Variants in RBFOX2 observed in about 807,000 individuals in gnomAD.
RBFOX2 encodes RNA binding fox-1 homolog 2, also known as RNA binding protein fox-1 homolog 2.
Under a neutral mutation model 49.1 loss-of-function variants are expected in RBFOX2, and 10 were observed. The observed-to-expected ratio is 0.20, with a 90% CI of 0.13 to 0.35. RBFOX2 has a LOEUF of 0.35. Among genes scored for constraint, RBFOX2 ranks in the 10% least tolerant of loss-of-function variants. The pLI is 1.00. For synonymous variants in RBFOX2, 183 were observed against 187.4 expected (o/e 0.98, Z 0.19); for missense variants, 323 against 486.9 (o/e 0.66, Z 3.17).
intron 1 of RBFOX2, among the ~76,000 whole-genome samples, chr22:35,921,044 G>C (rs1403660643): frequency 6.6e-6 from 1 of 152,110 alleles, no homozygotes; most frequent in Non-Finnish European, 1.5e-5. Flanking sequence ...TTTTAAAAAA[G>C]AATTAATTTA....
chr22:35,995,268 G>C (rs754646465), intron 1 of RBFOX2: 6 of 152,180 alleles, frequency 3.9e-5, no homozygotes, highest in African/African-American at 1.4e-4. Flanking sequence ...ATGGAAAGAT[G>C]CAGTTTGTTC....
intron 1 of RBFOX2, among the ~76,000 whole-genome samples, chr22:35,887,965 C>T (rs1005910473): frequency 1.3e-5 from 2 of 152,096 alleles, no homozygotes; most frequent in African/African-American, 4.8e-5. Flanking sequence ...GGCTGATGTA[C>T]CACTTTTTCA....
chr22:35,837,141 T>G (rs2015617262), intron 1 of RBFOX2, among the ~76,000 whole-genome samples: 1 of 152,180 alleles, frequency 6.6e-6, no homozygotes, highest in South Asian at 2.1e-4. Context: ...AGTTTGATAA[T>G]TAAAACAAAA....
intron 4 of RBFOX2, 189 bp downstream of exon 5, chr22:35,777,836 C>T: frequency 1.7e-6 from 1 of 599,762 alleles, no homozygotes; most frequent in South Asian, 2.2e-5. Flanking sequence ...CTTCCACCCC[C>T]ATATAAGTAT....
At chr22:35,963,059 C>CAAAAAAAAAAAAAA (rs34027896), upstream of RBFOX2, among the ~76,000 whole-genome samples, 1 of 33,590 alleles carries the variant, frequency 3.0e-5, no homozygotes, top group South Asian at 9.7e-4. Context: ...AACTCTCCAG[C>CAAAAAAAAAAAAAA]AAAAAAAAAA....
intron 1 of RBFOX2, among the ~76,000 whole-genome samples, chr22:35,919,130 C>T (rs2050742575): frequency 6.6e-6 from 1 of 152,214 alleles, no homozygotes; most frequent in Admixed American, 6.5e-5. Flanking sequence ...CAAGGGACCA[C>T]ATATTCTATT....
At chr22:35,835,368 T>C (rs1456589522) in intron 1 of RBFOX2, among the ~76,000 whole-genome samples, 1 of 152,168 alleles carries the variant, frequency 6.6e-6, no homozygotes, top group East Asian at 1.9e-4. Context: ...TAAACAGATG[T>C]CCAAGAAACA....
intron 2 of RBFOX2, among the ~76,000 whole-genome samples, chr22:35,793,214 A>C (rs1286456008): frequency 6.6e-6 from 1 of 152,224 alleles, no homozygotes; most frequent in Admixed American, 6.5e-5. Context: ...TCTACTAAAA[A>C]TAGAAAGAAA....
At chr22:35,926,301 G>T (rs1030018714) in intron 1 of RBFOX2, among the ~76,000 whole-genome samples, 2 of 152,180 alleles carry the variant, frequency 1.3e-5, no homozygotes, top group African/African-American at 4.8e-5. Flanking sequence ...TAACTACTTA[G>T]CTGCCCTAAC....
At chr22:35,761,139 A>G (rs2146334545) in intron 8 of RBFOX2, 63 bp downstream of exon 9, 1 of 1,430,548 alleles carries the variant, frequency 7.0e-7, no homozygotes, top group Non-Finnish European at 9.7e-7. Context: ...AAAAAAAAAA[A>G]CAGTACATGA....
chr22:35,982,366 C>G (rs2057499397), intron 1 of RBFOX2, among the ~76,000 whole-genome samples: 1 of 152,086 alleles, frequency 6.6e-6, no homozygotes, highest in South Asian at 2.1e-4. Flanking sequence ...CTAGTTTAGA[C>G]CCTCCTCCCC....
chr22:35,783,342 C>A (rs548290507), intron 2 of RBFOX2, among the ~76,000 whole-genome samples: 10 of 152,316 alleles, frequency 6.6e-5, no homozygotes, highest in African/African-American at 2.4e-4. Context: ...TTCCACGTGG[C>A]TTTTAAAATC....
chr22:35,805,225 G>A (rs1950507554), intron 2 of RBFOX2, among the ~76,000 whole-genome samples: 1 of 147,994 alleles, frequency 6.8e-6, no homozygotes, highest in African/African-American at 2.5e-5. Flanking sequence ...GGGAGGCGGA[G>A]CTTGCAGTGA....
At chr22:35,845,280 T>C (rs2041038484), upstream of RBFOX2, among the ~76,000 whole-genome samples, 1 of 152,142 alleles carries the variant, frequency 6.6e-6, no homozygotes, top group Non-Finnish European at 1.5e-5. Flanking sequence ...TAATATCCTT[T>C]GCCCCAACAT....
chr22:35,950,780 G>A (rs1367719326), intron 1 of RBFOX2, among the ~76,000 whole-genome samples: 3 of 151,854 alleles, frequency 2.0e-5, no homozygotes, highest in South Asian at 2.1e-4. Flanking sequence ...ATGATATCTC[G>A]GTCCCGGGGT....
At chr22:35,755,300 G>GT (rs1358024770) in intron 9 of RBFOX2, among the ~76,000 whole-genome samples, 1 of 152,178 alleles carries the variant, frequency 6.6e-6, no homozygotes. Context: ...TCAAAAACTT[G>GT]TACTTTGTCA....
intron 4 of RBFOX2, among the ~76,000 whole-genome samples, chr22:35,774,142 G>C (rs962515137): frequency 3.9e-5 from 6 of 151,972 alleles, no homozygotes; most frequent in Non-Finnish European, 5.9e-5. Context: ...GCATATATAA[G>C]GAGAGTAAAT....
At chr22:35,832,430 A>T (rs1034638757) in intron 1 of RBFOX2, among the ~76,000 whole-genome samples, 1 of 152,220 alleles carries the variant, frequency 6.6e-6, no homozygotes. Flanking sequence ...AACAAAACTT[A>T]TAACAAAGAT....
At chr22:35,942,348 G>A (rs1427875032), upstream of RBFOX2, among the ~76,000 whole-genome samples, 1 of 152,100 alleles carries the variant, frequency 6.6e-6, no homozygotes, top group East Asian at 1.9e-4. Flanking sequence ...GTTATGGAAA[G>A]TAATTTGGCA....
Sources: allele counts gnomAD v4.1 joint callset (sites outside exome capture counted in the v4.1 genomes callset), GRCh38; gene constraint gnomAD v4.1.1; transcripts MANE v1.5; gene names NCBI Gene and HGNC (gene_info 2026-07-23, HGNC 2026-07-21).